The following IL1RAPL1 variants were observed in gnomAD, a reference collection of about 807,000 sequenced individuals.
The protein encoded by IL1RAPL1 is interleukin 1 receptor accessory protein like 1.
Under a neutral mutation model 48.4 loss-of-function variants are expected in IL1RAPL1, and 3 were observed. The ratio of observed to expected loss-of-function variants is 0.06; its 90% CI spans 0.03 to 0.16. IL1RAPL1 has a LOEUF of 0.16. IL1RAPL1 is among the 10% of genes least tolerant of loss of function. The pLI, the probability that IL1RAPL1 is intolerant of heterozygous loss-of-function variation, is 1.00. For synonymous variants in IL1RAPL1, 185 were observed against 187.7 expected (o/e 0.99, Z 0.12); for missense variants, 349 against 530.6 (o/e 0.66, Z 3.36).
At chrX:29,393,000 C>G (rs1933872009) in intron 3 of IL1RAPL1, among the ~76,000 whole-genome samples, 1 of 112,210 alleles carries the variant, frequency 8.9e-6, no homozygotes, top group African/African-American at 3.2e-5. Context: ...CTAACGCTTA[C>G]TGAGTGTTCT....
At chrX:29,584,019 C>T (rs143051248) in intron 5 of IL1RAPL1, among the ~76,000 whole-genome samples, 1 of 111,477 alleles carries the variant, frequency 9.0e-6, no homozygotes, top group African/African-American at 3.3e-5. Flanking sequence ...TAAGATTGCT[C>T]CTCTGGCACT....
rs185614609 is a variant in IL1RAPL1, at chrX:29,359,619, A to C, written c.363-36639A>C. On this transcript the variant is annotated intron_variant, in intron 3 of 10. Coordinates refer to ENST00000378993, the MANE Select transcript of IL1RAPL1 (RefSeq NM_014271.4). Reference sequence around the variant, plus strand: ...TCATTCACTAATAGTGGCTTACTCCAATGATATATAGCTATCCTCCCTTCT... The same window carrying C: ...TCATTCACTAATAGTGGCTTACTCCCATGATATATAGCTATCCTCCCTTCT... 5.3e-3 allele frequency among the ~76,000 whole-genome samples: 594 copies of C among 111,787 alleles called. 5 individuals carry two copies. The highest frequency in any genetic ancestry group is 7.6e-3 in the Non-Finnish European group (406 of 53,140).
chrX:29,488,246 T>C (rs1387550368), intron 5 of IL1RAPL1, among the ~76,000 whole-genome samples: 1 of 111,805 alleles, frequency 8.9e-6, no homozygotes, highest in Non-Finnish European at 1.9e-5. Flanking sequence ...AAGACCATCC[T>C]GGCGAACATG....
chrX:29,954,235 CAAA>C (rs34345826), intron 9 of IL1RAPL1, among the ~76,000 whole-genome samples: 52 of 30,417 alleles, frequency 1.7e-3, no homozygotes, highest in African/African-American at 7.6e-3. Flanking sequence ...GACTGTGTCC[CAAA>C]AAAAAAAAAA....
At chrX:29,836,923 C>T (rs141082622) in intron 6 of IL1RAPL1, among the ~76,000 whole-genome samples, 3 of 109,863 alleles carry the variant, frequency 2.7e-5, no homozygotes, top group African/African-American at 1.0e-4. Flanking sequence ...GGTTTTAGTG[C>T]CTATTGTTAT....
intron 2 of IL1RAPL1, among the ~76,000 whole-genome samples, chrX:28,958,668 G>A (rs1020687658): frequency 9.0e-6 from 1 of 111,278 alleles, no homozygotes; most frequent in Non-Finnish European, 1.9e-5. Flanking sequence ...AAAGAATTTT[G>A]CAAAACTCCT....
intron 5 of IL1RAPL1, among the ~76,000 whole-genome samples, chrX:29,555,857 G>A (rs191108447): frequency 2.5e-4 from 28 of 112,004 alleles, no homozygotes; most frequent in Non-Finnish European, 4.7e-4. Context: ...TGGGGAGGGG[G>A]GAAACAAAAT....
chrX:28,681,167 A>G (rs1935055846), intron 1 of IL1RAPL1, among the ~76,000 whole-genome samples: 1 of 110,682 alleles, frequency 9.0e-6, no homozygotes, highest in Admixed American at 9.6e-5. Context: ...TCAAGAATTT[A>G]TTTATGTTCT....
intron 6 of IL1RAPL1, among the ~76,000 whole-genome samples, chrX:29,894,850 A>T (rs1334740723): frequency 9.1e-6 from 1 of 110,386 alleles, no homozygotes; most frequent in East Asian, 2.8e-4. Context: ...TATTTTTGAG[A>T]CGGAGTCTTG....
intron 1 of IL1RAPL1, among the ~76,000 whole-genome samples, chrX:28,733,090 C>T (rs1214579834): frequency 9.3e-6 from 1 of 107,771 alleles, no homozygotes; most frequent in Non-Finnish European, 1.9e-5. Flanking sequence ...ATTTATTATA[C>T]AGGTGTGTGT....
At chrX:28,835,540 T>C (rs1921182772) in intron 2 of IL1RAPL1, among the ~76,000 whole-genome samples, 1 of 111,201 alleles carries the variant, frequency 9.0e-6, no homozygotes, top group African/African-American at 3.3e-5. Flanking sequence ...TAGGAAATTC[T>C]ATGTTTTGAA....
chrX:28,974,720 T>G (rs980154812), intron 2 of IL1RAPL1, among the ~76,000 whole-genome samples: 1 of 112,045 alleles, frequency 8.9e-6, no homozygotes, highest in Non-Finnish European at 1.9e-5. Flanking sequence ...TCTACGCCAT[T>G]TGGCTCATAA....
At chrX:29,286,031 AT>A (rs1932278807) in intron 3 of IL1RAPL1, among the ~76,000 whole-genome samples, 2 of 112,142 alleles carry the variant, frequency 1.8e-5, no homozygotes, top group African/African-American at 3.2e-5. Context: ...AGTCTTTCTG[AT>A]AAATATTCTG....
chrX:29,876,162 C>G (rs1400101860), intron 6 of IL1RAPL1, among the ~76,000 whole-genome samples: 3 of 111,619 alleles, frequency 2.7e-5, no homozygotes, highest in African/African-American at 9.8e-5. Flanking sequence ...AGCTTTGTCT[C>G]TGGGTCATAT....
chrX:29,768,520 G>A (rs1928968671), intron 6 of IL1RAPL1, among the ~76,000 whole-genome samples: 1 of 111,564 alleles, frequency 9.0e-6, no homozygotes, highest in Non-Finnish European at 1.9e-5. Flanking sequence ...CATTGTGTGT[G>A]CCTGGTACGT....
chrX:29,244,229 G>A (rs116770780), intron 2 of IL1RAPL1, among the ~76,000 whole-genome samples: 4,351 of 111,769 alleles, frequency 0.039, 204 homozygotes, highest in African/African-American at 0.13. Context: ...GTGACTTTGC[G>A]CTGAAATATG....
intron 2 of IL1RAPL1, among the ~76,000 whole-genome samples, chrX:29,188,854 A>T (rs1930302866): frequency 9.0e-6 from 1 of 111,149 alleles, no homozygotes; most frequent in Non-Finnish European, 1.9e-5. Context: ...ATGTGCTGGG[A>T]TTACAGGTGT....
chrX:29,949,410 G>C lies in IL1RAPL1; in HGVS notation c.1202-5112G>C, dbSNP rs189222670. On this transcript the variant is annotated intron_variant, in intron 9 of 10. Coordinates refer to ENST00000378993, the MANE Select transcript of IL1RAPL1 (RefSeq NM_014271.4). ...GTTGAATGATTGGATCTTGTTTTTT[G>C]TTTGTTTGGTGGAGCATATCTGCCG... 5.4e-5 allele frequency among the ~76,000 whole-genome samples: 6 copies of C among 111,667 alleles called. No individual in the cohort carries two copies. The East Asian group carries it at 1.7e-3, about 31-fold the overall frequency.
intron 8 of IL1RAPL1, among the ~76,000 whole-genome samples, chrX:29,929,366 T>C (rs140795074): frequency 0.032 from 3,550 of 111,816 alleles, 67 homozygotes; most frequent in Non-Finnish European, 0.049. Context: ...TTTTATCATT[T>C]GTAAACTAAT....
Sources: gnomAD v4.1 joint callset for allele counts (sites outside exome capture counted in the v4.1 genomes callset) on GRCh38, gnomAD v4.1.1 for gene constraint, MANE v1.5 for transcripts, NCBI Gene and HGNC (gene_info 2026-07-23, HGNC 2026-07-21) for gene names.